The following UGGT2 variants were observed in gnomAD, a reference collection of about 807,000 sequenced individuals.
UGGT2 encodes the protein UDP-glucose:glycoprotein glucosyltransferase 2.
UGGT2 carries 180 observed loss-of-function variants against 192.1 expected under a neutral mutation model. The observed-to-expected ratio is 0.94, with a 90% CI of 0.83 to 1.06. UGGT2 has a LOEUF of 1.06. Ranked by LOEUF, UGGT2 falls within the 50% of genes least tolerant of loss-of-function variation. The pLI, the probability that UGGT2 is intolerant of heterozygous loss-of-function variation, is 0.00. For synonymous variants in UGGT2, 580 were observed against 591.0 expected (o/e 0.98, Z 0.27); for missense variants, 1,849 against 1,795.7 (o/e 1.03, Z -0.54).
At chr13:95,910,694 A>C (rs769353219) in intron 20 of UGGT2, among the ~76,000 whole-genome samples, 11 of 152,182 alleles carry the variant, frequency 7.2e-5, no homozygotes, top group Admixed American at 1.3e-4. Flanking sequence ...ACAAATGTTA[A>C]CAAGGATATC....
In UGGT2 at chr13:95,957,145, T is replaced by C. The variant is rs560641819; in HGVS notation, c.1336-7691A>G. Among the ~76,000 whole-genome samples the C allele has an allele frequency of 8.3e-4, 127 of 152,268 alleles. 2 individuals are homozygous for C. The highest frequency in any genetic ancestry group is 2.9e-3 in the African/African-American group (122 of 41,564). ...CAAATTAATAAAGACAGAAAGTAGA[T>C]AGAGCTTACCAGAGTCTTCAGGAAG... is the stretch of plus-strand genomic sequence containing the variant. On this transcript the variant is annotated intron_variant, in intron 12 of 38. Coordinates refer to ENST00000376747, the MANE Select transcript of UGGT2 (RefSeq NM_020121.4).
chr13:95,930,327 A>G (rs1594361057), intron 17 of UGGT2, among the ~76,000 whole-genome samples: 1 of 152,186 alleles, frequency 6.6e-6, no homozygotes, highest in African/African-American at 2.4e-5. Flanking sequence ...GATCTTAGCC[A>G]TAAATTCTTT....
intron 5 of UGGT2, among the ~76,000 whole-genome samples, chr13:96,003,804 T>C (rs1205761821): frequency 1.3e-5 from 2 of 152,132 alleles, no homozygotes; most frequent in Non-Finnish European, 2.9e-5. Context: ...GCAGAAAAAG[T>C]GCCCCGACTG....
intron 33 of UGGT2, among the ~76,000 whole-genome samples, chr13:95,858,001 T>G (rs1372013472): frequency 6.4e-5 from 4 of 62,486 alleles, no homozygotes; most frequent in East Asian, 4.4e-4. Context: ...CTTTTTCTGT[T>G]TTTTTTTTTT....
chr13:95,884,051 A>T (rs2047570310), intron 27 of UGGT2, among the ~76,000 whole-genome samples: 1 of 122,000 alleles, frequency 8.2e-6, no homozygotes, highest in Admixed American at 9.6e-5. Flanking sequence ...TTCTCTGGCT[A>T]TGAGCTGTGA....
At chr13:96,019,078 G>C (rs1387964485) in intron 4 of UGGT2, among the ~76,000 whole-genome samples, 1 of 114,566 alleles carries the variant, frequency 8.7e-6, no homozygotes, top group Non-Finnish European at 1.7e-5. Context: ...TATGCCTGAA[G>C]TTCACAAAAG....
intron 12 of UGGT2, among the ~76,000 whole-genome samples, chr13:95,954,546 C>A (rs1207322756): frequency 1.3e-5 from 2 of 152,192 alleles, no homozygotes; most frequent in Non-Finnish European, 2.9e-5. Flanking sequence ...CATGATAAAA[C>A]CTTGGTCTCC....
At chr13:95,846,369 G>A (rs1448164755) in intron 36 of UGGT2, among the ~76,000 whole-genome samples, 2 of 151,934 alleles carry the variant, frequency 1.3e-5, no homozygotes, top group Admixed American at 6.6e-5. Context: ...AGCCAAGATG[G>A]CGGCAGTACA....
chr13:96,026,656 CTTCT>C (rs1329715503), intron 2 of UGGT2, among the ~76,000 whole-genome samples: 8 of 140,440 alleles, frequency 5.7e-5, no homozygotes, highest in Non-Finnish European at 1.1e-4. Flanking sequence ...CTCTTTCACT[CTTCT>C]TTTTTTTTTT....
chr13:96,015,789 G>A (rs1175576316), intron 4 of UGGT2, among the ~76,000 whole-genome samples: 1 of 152,152 alleles, frequency 6.6e-6, no homozygotes, highest in African/African-American at 2.4e-5. Context: ...AGGTAACTAT[G>A]CAAAGATATA....
intron 20 of UGGT2, among the ~76,000 whole-genome samples, chr13:95,907,935 A>T (rs542235444): frequency 6.6e-6 from 1 of 152,320 alleles, no homozygotes; most frequent in Admixed American, 6.5e-5. Context: ...GAAGGTTGGT[A>T]ATAACAAACT....
intron 8 of UGGT2, chr13:95,989,540 T>C: frequency 5.1e-6 from 2 of 392,332 alleles, no homozygotes; most frequent in Non-Finnish European, 1.1e-5. Context: ...CTGCATGTCC[T>C]CCATTTGATG....
chr13:95,831,162 G>A (rs1886640459), intron 38 of UGGT2, among the ~76,000 whole-genome samples: 1 of 151,992 alleles, frequency 6.6e-6, no homozygotes, highest in Non-Finnish European at 1.5e-5. Context: ...AGCATTAGGT[G>A]ACATATCCAA....
chr13:95,809,559 A>G (rs1321076882), intron 38 of UGGT2: 1 of 313,528 alleles, frequency 3.2e-6, no homozygotes, highest in African/African-American at 2.2e-5. Flanking sequence ...ATCTCCTCTC[A>G]TGAGCTACTC....
At chr13:96,024,150 G>C (rs1409369933) in intron 2 of UGGT2, among the ~76,000 whole-genome samples, 1 of 152,192 alleles carries the variant, frequency 6.6e-6, no homozygotes, top group Non-Finnish European at 1.5e-5. Flanking sequence ...TAAAGTACCT[G>C]TATGAATAAA....
At chr13:95,952,811 G>C (rs1402240290) in intron 12 of UGGT2, among the ~76,000 whole-genome samples, 1 of 151,974 alleles carries the variant, frequency 6.6e-6, no homozygotes, top group African/African-American at 2.4e-5. Context: ...GGCTACTCTT[G>C]GCAGTTAAAT....
chr13:95,887,200 T>C (rs2047669288), intron 26 of UGGT2: 1 of 442,310 alleles, frequency 2.3e-6, no homozygotes, highest in Non-Finnish European at 4.6e-6. Flanking sequence ...TGTTTAGAAT[T>C]ACATCATTAA....
intron 16 of UGGT2, among the ~76,000 whole-genome samples, chr13:95,939,476 C>CT (rs35091779): frequency 0.092 from 10,072 of 109,046 alleles, 596 homozygotes; most frequent in Non-Finnish European, 0.13. Flanking sequence ...GAGTTGTTGC[C>CT]TTTTTTTTTT....
At chr13:95,806,036 T>TAAAAA (rs35951474) in intron 38 of UGGT2, among the ~76,000 whole-genome samples, 2 of 84,826 alleles carry the variant, frequency 2.4e-5, no homozygotes, top group African/African-American at 8.8e-5. Flanking sequence ...AAGAGATTAT[T>TAAAAA]AAAAAAAAAA....
Sources: gnomAD v4.1 joint callset for allele counts (sites outside exome capture counted in the v4.1 genomes callset) on GRCh38, gnomAD v4.1.1 for gene constraint, MANE v1.5 for transcripts, NCBI Gene and HGNC (gene_info 2026-07-23, HGNC 2026-07-21) for gene names.